Variants in DNAH7 observed in about 807,000 individuals in gnomAD.
DNAH7 encodes the protein axonemal beta dynein heavy chain 7.
Under a neutral mutation model 444.6 loss-of-function variants are expected in DNAH7, and 397 were observed. That is an observed-to-expected ratio of 0.89 (90% CI 0.82 to 0.97). DNAH7 has a LOEUF of 0.97. Ranked by LOEUF, DNAH7 falls within the 50% of genes least tolerant of loss-of-function variation. The pLI, the probability that DNAH7 is intolerant of heterozygous loss-of-function variation, is 0.00. For missense variants in DNAH7, 4,902 were observed against 4,800.8 expected, an observed-to-expected ratio of 1.02 and a Z score of -0.62; for synonymous variants, 1,636 against 1,624.4, an observed-to-expected ratio of 1.01 and a Z score of -0.17.
intron 25 of DNAH7, among the ~76,000 whole-genome samples, chr2:195,909,723 C>T (rs138252225): frequency 3.3e-5 from 5 of 152,282 alleles, no homozygotes; most frequent in African/African-American, 4.8e-5. Context: ...TAGAATCCCA[C>T]GACCTTTACA....
At chr2:196,035,986 A>G (rs1696356895) in intron 5 of DNAH7, among the ~76,000 whole-genome samples, 1 of 149,740 alleles carries the variant, frequency 6.7e-6, no homozygotes, top group Non-Finnish European at 1.5e-5. Context: ...CCACAGGATT[A>G]TATCCTGTCC....
chr2:195,778,609 AC>A (rs1695184936), intron 58 of DNAH7, among the ~76,000 whole-genome samples: 1 of 120,102 alleles, frequency 8.3e-6, no homozygotes, highest in Non-Finnish European at 1.7e-5. Context: ...ACAGAGCAAG[AC>A]CCTGTCTGAA....
chr2:195,853,547 C>T lies in DNAH7; in HGVS notation c.8596-19G>A, dbSNP rs772851238. On this transcript the variant is annotated intron_variant, in intron 45 of 64. Transcript: ENST00000312428. ...GGTCAACCTCGAAAATAAAAGTGAG[C>T]TTTTATCAACATTTACAAGTATAAG... The T allele has an allele frequency of 6.3e-7, 1 of 1,596,330 alleles. No individual in the cohort carries two copies. The highest frequency in any genetic ancestry group is 8.5e-7 in the Non-Finnish European group (1 of 1,170,134).
chr2:195,740,043 G>C (rs1251115306), intron 64 of DNAH7, among the ~76,000 whole-genome samples: 1 of 152,100 alleles, frequency 6.6e-6, no homozygotes, highest in Non-Finnish European at 1.5e-5. Flanking sequence ...GAGTGCAATG[G>C]TGCGATCTAA....
intron 17 of DNAH7, 36 bp downstream of exon 17, chr2:195,969,912 A>C: frequency 6.3e-7 from 1 of 1,584,902 alleles, no homozygotes; most frequent in Non-Finnish European, 8.6e-7. Flanking sequence ...TTTTCAATTG[A>C]ACTAATTCAT....
At chr2:196,014,416 GAA>G (rs1009760551) in intron 9 of DNAH7, among the ~76,000 whole-genome samples, 2 of 152,044 alleles carry the variant, frequency 1.3e-5, no homozygotes, top group African/African-American at 4.8e-5. Flanking sequence ...CCCAGACCAT[GAA>G]ACTCAGGACT....
intron 30 of DNAH7, 96 bp downstream of exon 30, chr2:195,894,880 A>G (rs943136396): frequency 2.7e-5 from 32 of 1,182,078 alleles, no homozygotes; most frequent in Non-Finnish European, 3.5e-5. Flanking sequence ...TCATGATTTT[A>G]AGTTGCCACA....
At chr2:195,964,774 A>G (rs1001603448) in intron 17 of DNAH7, among the ~76,000 whole-genome samples, 2 of 150,932 alleles carry the variant, frequency 1.3e-5, no homozygotes, top group Non-Finnish European at 3.0e-5. Flanking sequence ...TACTAGAGAG[A>G]CTGAGGCAGA....
chr2:195,740,615 GTATATATATATATATA>G, intron 64 of DNAH7, 135 bp downstream of exon 64: 1 of 70,896 alleles, frequency 1.4e-5, no homozygotes. Flanking sequence ...GTGTGTGTGT[GTATATATATATATATA>G]TATATATATA....
At chr2:196,031,101 C>T (rs1696029390) in intron 5 of DNAH7, among the ~76,000 whole-genome samples, 1 of 152,256 alleles carries the variant, frequency 6.6e-6, no homozygotes, top group Non-Finnish European at 1.5e-5. Context: ...CAGGCATTTC[C>T]ATACATCTTC....
intron 27 of DNAH7, chr2:195,902,840 C>T (rs1055481202): frequency 1.3e-5 from 2 of 151,994 alleles, no homozygotes; most frequent in African/African-American, 2.4e-5. Flanking sequence ...AAGCCTAAAC[C>T]AGTGATTCTC....
intron 54 of DNAH7, among the ~76,000 whole-genome samples, chr2:195,802,098 T>C (rs952448193): frequency 6.6e-6 from 1 of 152,230 alleles, no homozygotes; most frequent in African/African-American, 2.4e-5. Flanking sequence ...ATTACAAAAA[T>C]ATTAAAAATC....
At chr2:195,860,986 A>T (rs1699984225) in intron 42 of DNAH7, among the ~76,000 whole-genome samples, 1 of 152,088 alleles carries the variant, frequency 6.6e-6, no homozygotes. Flanking sequence ...TAAATTATTT[A>T]AGTATCTAGT....
chr2:195,958,392 A>G (rs1690844746), intron 18 of DNAH7, among the ~76,000 whole-genome samples: 1 of 152,146 alleles, frequency 6.6e-6, no homozygotes, highest in Non-Finnish European at 1.5e-5. Flanking sequence ...TACATGTAAC[A>G]TTCAAAGTAT....
At chr2:195,992,489 C>T (rs1358008742) in intron 12 of DNAH7, among the ~76,000 whole-genome samples, 3 of 152,224 alleles carry the variant, frequency 2.0e-5, no homozygotes, top group Non-Finnish European at 2.9e-5. Flanking sequence ...CTGCAGTAAA[C>T]TGGCTGGGGC....
In DNAH7 at chr2:195,900,404, G is replaced by A; in HGVS notation, c.4426C>T (p.Pro1476Ser). 1 of 1,614,042 alleles carries A rather than the reference G, an allele frequency of 6.2e-7. No individual in the cohort carries two copies. Among genetic ancestry groups the A allele is most frequent in the Non-Finnish European group, 8.5e-7 (1 of 1,179,938 alleles). The change falls in exon 28 of 65, where the codon CCA becomes TCA. Residue 1476 changes from proline to serine, a missense_variant. Coordinates refer to ENST00000312428, the MANE Select transcript of DNAH7 (RefSeq NM_018897.3). ...LYSCGFVTAR[P>S]LSVKIVATYR... Reference sequence around the variant, plus strand: ...GTAGCCACAATTTTTACAGACAGTGGTCGAGCAGTGACAAACCCACAGGAG... The same window carrying A: ...GTAGCCACAATTTTTACAGACAGTGATCGAGCAGTGACAAACCCACAGGAG...
intron 49 of DNAH7, among the ~76,000 whole-genome samples, chr2:195,819,894 T>C (rs1574491689): frequency 1.3e-5 from 2 of 152,144 alleles, no homozygotes; most frequent in East Asian, 3.8e-4. Context: ...GAGAGTTTGG[T>C]TTAATTGGTC....
Position 195,999,037 on chromosome 2 carries a change from G to A in DNAH7, c.1353+1667C>T, listed in dbSNP as rs987482216. On this transcript the variant is annotated intron_variant, in intron 12 of 64. Transcript: ENST00000312428. The stretch of plus-strand genomic sequence containing the variant: ...TTAATGAGTTTCCGGCAAGGTGGAT[G>A]CATGGGAGGGGCTGCCAGGAAACAA... 1.3e-5 allele frequency: 9 copies of A among 705,140 alleles called. No individual in the cohort carries two copies. In the East Asian group the frequency reaches 1.3e-4, roughly 11 times the overall value. The allele number at this position is 705,140 out of a possible 1,614,324, so 43.7% of individuals were successfully genotyped here.
chr2:195,741,897 T>C (rs896229220), intron 63 of DNAH7, among the ~76,000 whole-genome samples: 1 of 152,190 alleles, frequency 6.6e-6, no homozygotes, highest in African/African-American at 2.4e-5. Context: ...ATGTGGCTGG[T>C]GTGACCAAAT....
Sources: allele counts gnomAD v4.1 joint callset (sites outside exome capture counted in the v4.1 genomes callset), GRCh38; gene constraint gnomAD v4.1.1; transcripts MANE v1.5; gene names NCBI Gene and HGNC (gene_info 2026-07-23, HGNC 2026-07-21).